Variants in PDE4B observed in about 807,000 individuals in gnomAD.
PDE4B encodes the protein phosphodiesterase 4B.
A neutral mutation model predicts 82.2 loss-of-function variants in PDE4B; 20 were observed. That is an observed-to-expected ratio of 0.24 (90% CI 0.17 to 0.35). The LOEUF (loss-of-function observed/expected upper bound fraction) is 0.35, where lower values mean the gene tolerates loss of function less well. PDE4B is among the 10% of genes least tolerant of loss of function. PDE4B has a pLI of 1.00. For missense variants in PDE4B, 655 were observed against 907.2 expected, an observed-to-expected ratio of 0.72 and a Z score of 3.57; for synonymous variants, 320 against 318.9, an observed-to-expected ratio of 1.00 and a Z score of -0.04.
At chr1:65,856,501 G>T (rs909884609) in intron 1 of PDE4B, among the ~76,000 whole-genome samples, 2 of 152,162 alleles carry the variant, frequency 1.3e-5, no homozygotes, top group Non-Finnish European at 2.9e-5. Flanking sequence ...TCCCTTCAAA[G>T]GACATGAACT....
intron 12 of PDE4B, 139 bp from the exon 13 acceptor site, chr1:66,365,528 T>G (rs1663171612): frequency 1.9e-6 from 1 of 539,228 alleles, no homozygotes; most frequent in Non-Finnish European, 3.4e-6. Flanking sequence ...TACATTTACT[T>G]AAATTAGTAT....
chr1:66,024,568 C>T lies in PDE4B; in HGVS notation c.281+105733C>T, dbSNP rs565451922. ...GCTACACCAACTGTGTCAATTCATA[C>T]GTTTATTCAACAAAATGTACAGGTC... On this transcript the variant is annotated intron_variant, in intron 3 of 16. Coordinates refer to ENST00000341517, the MANE Select transcript of PDE4B (RefSeq NM_002600.4). Among the ~76,000 whole-genome samples the T allele has an allele frequency of 9.9e-5, 15 of 152,200 alleles. No homozygotes were observed. The South Asian group carries it at 1.0e-3, about 11-fold the overall frequency.
chr1:65,960,818 G>A (rs1649507195), intron 3 of PDE4B, among the ~76,000 whole-genome samples: 1 of 152,002 alleles, frequency 6.6e-6, no homozygotes, highest in Non-Finnish European at 1.5e-5. Context: ...AAAAGCTTGT[G>A]AACATGCTTT....
intron 1 of PDE4B, among the ~76,000 whole-genome samples, chr1:65,867,196 C>A (rs1571038846): frequency 6.6e-6 from 1 of 151,920 alleles, no homozygotes; most frequent in Non-Finnish European, 1.5e-5. Flanking sequence ...TTTTAAAAGC[C>A]CCTTAGGAAC....
At chr1:66,030,411 G>A (rs1426665941) in intron 3 of PDE4B, among the ~76,000 whole-genome samples, 4 of 152,200 alleles carry the variant, frequency 2.6e-5, no homozygotes, top group Non-Finnish European at 4.4e-5. Context: ...TTTTGAAAGG[G>A]CTTTGGTAGG....
intron 1 of PDE4B, among the ~76,000 whole-genome samples, chr1:65,832,817 T>G (rs2101302529): frequency 6.6e-6 from 1 of 152,308 alleles, no homozygotes; most frequent in African/African-American, 2.4e-5. Context: ...TGTGGAATTT[T>G]AAAAGATCTG....
At chr1:66,292,858 C>T (rs630739) in intron 7 of PDE4B, among the ~76,000 whole-genome samples, 76,001 of 152,022 alleles carry the variant, frequency 0.5, 19,792 homozygotes, top group Non-Finnish European at 0.56. Flanking sequence ...ATAAATACTT[C>T]TATTGTTTTT....
chr1:66,153,247 A>G (rs1448326987), intron 3 of PDE4B, among the ~76,000 whole-genome samples: 4 of 152,062 alleles, frequency 2.6e-5, no homozygotes, highest in Non-Finnish European at 5.9e-5. Flanking sequence ...CTCTCCTCCC[A>G]GTGTCCAACC....
intron 1 of PDE4B, among the ~76,000 whole-genome samples, chr1:65,885,531 A>G (rs1451173078): frequency 1.3e-5 from 2 of 152,196 alleles, no homozygotes; most frequent in African/African-American, 4.8e-5. Context: ...CTATGAAGCC[A>G]TAAAAAAGGA....
intron 3 of PDE4B, among the ~76,000 whole-genome samples, chr1:65,946,409 G>A (rs781420962): frequency 5.3e-5 from 8 of 151,916 alleles, no homozygotes; most frequent in Non-Finnish European, 4.4e-5. Flanking sequence ...GCATAAATAT[G>A]TCTACTATGG....
intron 3 of PDE4B, among the ~76,000 whole-genome samples, chr1:66,169,293 A>G (rs1290605165): frequency 6.6e-6 from 1 of 152,168 alleles, no homozygotes; most frequent in Non-Finnish European, 1.5e-5. Context: ...GTGCTATTGT[A>G]TCTGCTTAGA....
chr1:66,329,952 G>C (rs1254735454), intron 7 of PDE4B, among the ~76,000 whole-genome samples: 1 of 152,114 alleles, frequency 6.6e-6, no homozygotes, highest in Non-Finnish European at 1.5e-5. Flanking sequence ...GTATCTCCTA[G>C]GTGCTAAAAC....
At chr1:65,991,755 T>C (rs1651256109) in intron 3 of PDE4B, among the ~76,000 whole-genome samples, 1 of 152,232 alleles carries the variant, frequency 6.6e-6, no homozygotes, top group Non-Finnish European at 1.5e-5. Flanking sequence ...TTGCATTCTT[T>C]GTGAACAAAG....
intron 3 of PDE4B, among the ~76,000 whole-genome samples, chr1:65,949,799 T>C (rs1172501829): frequency 2.6e-5 from 4 of 152,014 alleles, no homozygotes; most frequent in Admixed American, 6.6e-5. Flanking sequence ...TGTAGCTCTG[T>C]CTTCCAATAA....
chr1:66,361,721 T>C lies in PDE4B; in HGVS notation c.948T>C (p.His316=). The C allele has an allele frequency of 6.2e-7, 1 of 1,613,674 alleles. No homozygotes were observed. Among genetic ancestry groups the C allele is most frequent in the Non-Finnish European group, 8.5e-7 (1 of 1,179,690 alleles). ...TQISGVKKLM[H]SSSLNNTSIS... ...TAAGTGGAGTGAAGAAATTAATGCA[T>C]AGTTCAAGCCTAAACAATACAAGCA... is the stretch of plus-strand genomic sequence containing the variant. The change falls in exon 10 of 17, where the codon CAT becomes CAC. Residue 316 remains histidine (H), a synonymous_variant. Transcript: ENST00000341517.
At chr1:66,269,978 T>C (rs540504596) in intron 7 of PDE4B, among the ~76,000 whole-genome samples, 5 of 152,236 alleles carry the variant, frequency 3.3e-5, no homozygotes, top group South Asian at 4.1e-4. Flanking sequence ...TATCAGTAAA[T>C]TTACTGAGCA....
intron 3 of PDE4B, among the ~76,000 whole-genome samples, chr1:66,129,549 A>G (rs2101104782): frequency 6.7e-6 from 1 of 150,308 alleles, no homozygotes; most frequent in South Asian, 2.1e-4. Flanking sequence ...AGTCCCAGCT[A>G]CTTGGGAGGC....
Position 65,870,300 on chromosome 1 carries a change from C to G in PDE4B, c.-70-42945C>G, listed in dbSNP as rs867841259. 3.2e-4 allele frequency among the ~76,000 whole-genome samples: 49 copies of G among 152,168 alleles called. 1 individual carries two copies. The highest frequency in any genetic ancestry group is 1.1e-3 in the African/African-American group (47 of 41,538). ...TTAGATGTTATTTTTGTCTTTAAAT[C>G]ATGTCTGGATGCTCACAACAGCACT... On this transcript the variant is annotated intron_variant, in intron 1 of 16. Coordinates refer to ENST00000341517, the MANE Select transcript of PDE4B (RefSeq NM_002600.4).
intron 1 of PDE4B, among the ~76,000 whole-genome samples, chr1:65,876,455 T>C (rs955583143): frequency 6.6e-6 from 1 of 152,064 alleles, no homozygotes; most frequent in Non-Finnish European, 1.5e-5. Context: ...CATACATATG[T>C]GTATGAAGTT....
Sources: gnomAD v4.1 joint callset for allele counts (sites outside exome capture counted in the v4.1 genomes callset) on GRCh38, gnomAD v4.1.1 for gene constraint, MANE v1.5 for transcripts, NCBI Gene and HGNC (gene_info 2026-07-23, HGNC 2026-07-21) for gene names.